Variants in IDE observed in about 807,000 individuals in gnomAD.
IDE encodes insulin degrading enzyme.
Under a neutral mutation model 133.2 loss-of-function variants are expected in IDE, and 58 were observed. The observed-to-expected ratio is 0.44, with a 90% CI of 0.35 to 0.54. IDE has a LOEUF of 0.54. IDE is among the 20% of genes least tolerant of loss of function. The pLI is 0.00. For missense variants in IDE, 981 were observed against 1,234.0 expected (o/e 0.79, Z 3.07); for synonymous variants, 396 against 421.3 (o/e 0.94, Z 0.73).
chr10:92,555,883 A>G (rs1842977989), intron 1 of IDE, among the ~76,000 whole-genome samples: 1 of 152,212 alleles, frequency 6.6e-6, no homozygotes, highest in African/African-American at 2.4e-5. Context: ...AATTAGAAAG[A>G]AAAAAGTAGG....
At chr10:92,494,482 C>A (rs1847571254) in intron 11 of IDE, among the ~76,000 whole-genome samples, 1 of 151,936 alleles carries the variant, frequency 6.6e-6, no homozygotes, top group South Asian at 2.1e-4. Flanking sequence ...TGGCTCAAGC[C>A]TGTAATCCCA....
intron 4 of IDE, among the ~76,000 whole-genome samples, chr10:92,524,636 A>G (rs1399711346): frequency 7.1e-6 from 1 of 141,170 alleles, no homozygotes; most frequent in Non-Finnish European, 1.5e-5. Context: ...AACATAAACA[A>G]ATCAGGCTGG....
chr10:92,549,168 G>C (rs1160360348), intron 1 of IDE, among the ~76,000 whole-genome samples: 1 of 151,960 alleles, frequency 6.6e-6, no homozygotes, highest in Non-Finnish European at 1.5e-5. Flanking sequence ...TGAGGCACAA[G>C]AATCAGTTGA....
At chr10:92,546,367 A>G (rs1011433724) in intron 1 of IDE, among the ~76,000 whole-genome samples, 1 of 152,220 alleles carries the variant, frequency 6.6e-6, no homozygotes, top group African/African-American at 2.4e-5. Flanking sequence ...TCTTTCAATT[A>G]AAAGTTCTTA....
At chr10:92,472,164 T>TA (rs1189723738) in intron 17 of IDE, among the ~76,000 whole-genome samples, 3 of 152,088 alleles carry the variant, frequency 2.0e-5, no homozygotes, top group Admixed American at 6.5e-5. Flanking sequence ...AAAATTTAAA[T>TA]AAAAAAAGAA....
At position 92,474,892 on chromosome 10, in the gene IDE, G is replaced by T. The variant is rs1405162822; in HGVS notation, c.2065C>A (p.Leu689Met). The T allele has an allele frequency of 6.2e-7, 1 of 1,613,572 alleles. No homozygotes were observed. Among genetic ancestry groups the T allele is most frequent in the African/African-American group, 1.3e-5 (1 of 74,914 alleles). The change falls in exon 17 of 25, where the codon CTG becomes ATG. Residue 689 changes from leucine to methionine, a missense_variant. Physicochemically the swap from Leu to Met is conservative, Grantham distance 15. Coordinates refer to ENST00000265986, the MANE Select transcript of IDE (RefSeq NM_004969.4). The part of the protein sequence containing the change: ...HQHAMYYLRL[L>M]MTEVAWTKDE... ...TTAGTCCAGGCCACTTCAGTCATCA[G>T]CAAGCGGAGGTAGTACATGGCATGC... is the stretch of plus-strand genomic sequence containing the variant.
chr10:92,506,269 G>T (rs1848290132), intron 10 of IDE, among the ~76,000 whole-genome samples, 173 bp downstream of exon 10: 2 of 152,176 alleles, frequency 1.3e-5, no homozygotes, highest in Non-Finnish European at 2.9e-5. Context: ...TCACGATGAT[G>T]AAAATTAAGA....
In IDE at chr10:92,496,472, G is replaced by T. The variant is rs181834743; in HGVS notation, c.1431-5877C>A. Among the ~76,000 whole-genome samples the T allele has an allele frequency of 2.5e-4, 38 of 152,244 alleles. 1 individual carries two copies. The highest frequency in any genetic ancestry group is 2.2e-3 in the Admixed American group (34 of 15,292). On this transcript the variant is annotated intron_variant, in intron 11 of 24. Transcript: ENST00000265986. ...ACACAGAAAAAAGGAGTTGAAGATA[G>T]GTGAATGAGCCAAGTATGAAACCAC...
At chr10:92,557,033 T>A (rs1263725613) in intron 1 of IDE, among the ~76,000 whole-genome samples, 1 of 152,016 alleles carries the variant, frequency 6.6e-6, no homozygotes, top group Non-Finnish European at 1.5e-5. Flanking sequence ...ATTTTTAAGA[T>A]AACAGTAATC....
chr10:92,501,607 T>C (rs1589432445), intron 11 of IDE, among the ~76,000 whole-genome samples: 1 of 149,948 alleles, frequency 6.7e-6, no homozygotes, highest in South Asian at 2.1e-4. Context: ...GATGTGGAGG[T>C]TGCAGTGAGC....
intron 2 of IDE, among the ~76,000 whole-genome samples, chr10:92,535,015 A>G (rs1210266349): frequency 6.6e-6 from 1 of 152,210 alleles, no homozygotes; most frequent in Non-Finnish European, 1.5e-5. Flanking sequence ...CAGGTTACTT[A>G]GTGTCTCTGA....
intron 17 of IDE, among the ~76,000 whole-genome samples, chr10:92,472,083 A>C (rs574538927): frequency 2.3e-4 from 35 of 152,310 alleles, no homozygotes; most frequent in African/African-American, 7.2e-4. Context: ...TTTCCAAATT[A>C]AGCCATTCTG....
Position 92,508,890 on chromosome 10 carries a change from G to A in IDE, c.898C>T (p.Gln300Ter). 1 of 1,609,434 alleles carries A rather than the reference G, an allele frequency of 6.2e-7. No individual in the cohort carries two copies. The highest frequency in any genetic ancestry group is 8.5e-7 in the Non-Finnish European group (1 of 1,175,884). The change falls in exon 7 of 25, where the codon CAA becomes TAA. Residue 300 changes from glutamine (Q) to a stop codon, truncating the protein, a stop_gained and splice_region_variant. Coordinates refer to ENST00000265986, the MANE Select transcript of IDE (RefSeq NM_004969.4). LOFTEE classifies it high-confidence loss of function. Reference protein sequence around the residue: ...EHPFQEEHLKQLYKIVPIKDI... With the variant: ...EHPFQEEHLK ...TTAATGGGTACTATTTTGTAAAGTT[G>A]CTGGAGAAAACAAATCACAGAGATT... is the stretch of plus-strand genomic sequence containing the variant.
At chr10:92,529,337 T>G (rs367838414) in intron 4 of IDE, among the ~76,000 whole-genome samples, 23 of 152,356 alleles carry the variant, frequency 1.5e-4, no homozygotes, top group African/African-American at 5.3e-4. Context: ...AAATTCAACG[T>G]AAGTTTATAA....
intron 5 of IDE, among the ~76,000 whole-genome samples, chr10:92,513,872 C>T (rs1004589699): frequency 6.6e-6 from 1 of 151,984 alleles, no homozygotes; most frequent in Non-Finnish European, 1.5e-5. Flanking sequence ...GTAATTTACA[C>T]TTTGGTAGGG....
At chr10:92,554,416 T>C (rs923755518) in intron 1 of IDE, among the ~76,000 whole-genome samples, 1 of 152,060 alleles carries the variant, frequency 6.6e-6, no homozygotes, top group African/African-American at 2.4e-5. Flanking sequence ...TGATGGCACA[T>C]GCCTATATTC....
chr10:92,551,566 C>CAAAAAAAAA (rs1232265058), intron 1 of IDE, among the ~76,000 whole-genome samples: 1 of 66,626 alleles, frequency 1.5e-5, no homozygotes, highest in Non-Finnish European at 3.2e-5. Flanking sequence ...GACTCCATCT[C>CAAAAAAAAA]AAAAAAAAAA....
At chr10:92,531,972 C>CACTGCATAGTA in intron 3 of IDE, 55 bp from the exon 4 acceptor site, 1 of 1,258,264 alleles carries the variant, frequency 7.9e-7, no homozygotes, top group Non-Finnish European at 1.0e-6. Context: ...AAACAATAGC[C>CACTGCATAGTA]TTTTAGAAAG....
At chr10:92,503,370 A>G (rs1315248513) in intron 11 of IDE, among the ~76,000 whole-genome samples, 1 of 152,236 alleles carries the variant, frequency 6.6e-6, no homozygotes, top group African/African-American at 2.4e-5. Flanking sequence ...GGGTGTCACT[A>G]TGCTGCTCAG....
Sources: gnomAD v4.1 joint callset for allele counts (sites outside exome capture counted in the v4.1 genomes callset) on GRCh38, gnomAD v4.1.1 for gene constraint, MANE v1.5 for transcripts, NCBI Gene and HGNC (gene_info 2026-07-23, HGNC 2026-07-21) for gene names.